Variants in ZMYND8 observed in about 807,000 individuals in gnomAD.
The protein encoded by ZMYND8 is MYND-type zinc finger-containing chromatin reader ZMYND8.
A neutral mutation model predicts 140.8 loss-of-function variants in ZMYND8; 37 were observed. That is an observed-to-expected ratio of 0.26 (90% CI 0.20 to 0.35). The LOEUF is 0.35. ZMYND8 is among the 10% of genes least tolerant of loss of function. The pLI is 1.00. For synonymous variants in ZMYND8, 592 were observed against 597.1 expected, an observed-to-expected ratio of 0.99 and a Z score of 0.12; for missense variants, 1,068 against 1,570.0, an observed-to-expected ratio of 0.68 and a Z score of 5.40.
chr20:47,246,486 C>T lies in ZMYND8; in HGVS notation c.1806G>A (p.Thr602=), dbSNP rs535541680. 2.3e-5 allele frequency: 36 copies of T among 1,594,048 alleles called. No homozygotes were observed. The highest frequency in any genetic ancestry group is 6.8e-5 in the South Asian group (6 of 87,760). ...GINEISEDVY[T]AVEHSDSEDS... ...CCTCCGAATCGCTGTGCTCTACGGC[C>T]GTATAGACATCTTCCGAGATTTCAT... is the stretch of plus-strand genomic sequence containing the variant. Residue 602 remains threonine (T), a synonymous_variant, in exon 14 of 23, where the codon ACG becomes ACA. Coordinates refer to ENST00000471951, the MANE Select transcript of ZMYND8 (RefSeq NM_001281775.3).
At chr20:47,217,298 T>C (rs2036269665) in intron 21 of ZMYND8, among the ~76,000 whole-genome samples, 1 of 152,242 alleles carries the variant, frequency 6.6e-6, no homozygotes, top group African/African-American at 2.4e-5. Flanking sequence ...AACAATTTTA[T>C]AGGTGTCCAC....
Position 47,239,338 on chromosome 20 carries a change from G to A in ZMYND8, c.2285-200C>T, listed in dbSNP as rs937457129. On this transcript the variant is annotated intron_variant, in intron 14 of 22. Transcript: ENST00000471951. ...CACTTCTGCGGCGTCTTCCATCTCC[G>A]CGAGCAGCGGCCTCCTTTACTGAGC... Among the ~76,000 whole-genome samples, 3 of 152,302 alleles carry A rather than the reference G, an allele frequency of 2.0e-5. No individual in the cohort carries two copies. The South Asian group carries it at 6.2e-4, about 32-fold the overall frequency.
intron 2 of ZMYND8, among the ~76,000 whole-genome samples, chr20:47,310,908 C>T (rs1480428820): frequency 2.0e-5 from 3 of 152,070 alleles, no homozygotes; most frequent in Admixed American, 6.6e-5. Context: ...TTCCCCACTA[C>T]GTCCCTGCTG....
chr20:47,239,644 T>C (rs919144294), intron 14 of ZMYND8, among the ~76,000 whole-genome samples: 7 of 152,290 alleles, frequency 4.6e-5, no homozygotes, highest in Admixed American at 2.6e-4. Flanking sequence ...GCAGTAACAC[T>C]CAGTCACCCA....
rs529174762 is a variant in ZMYND8, at chr20:47,351,144, T to TTTTTTCA, written c.15-3219_15-3218insTGAAAAA. Among the ~76,000 whole-genome samples the TTTTTTCA allele has an allele frequency of 3.3e-4, 50 of 152,330 alleles. No homozygotes were observed. The South Asian group carries it at 3.3e-3, about 10-fold the overall frequency. ...GAAAACCTATGCTTACTTCTTAACC[T>TTTTTTCA]GCATGCACTGAAAAAAGAGCAATTA... On this transcript the variant is annotated intron_variant, in intron 1 of 22. Coordinates refer to ENST00000471951, the MANE Select transcript of ZMYND8 (RefSeq NM_001281775.3).
chr20:47,329,828 T>G (rs747108745), intron 2 of ZMYND8, among the ~76,000 whole-genome samples: 2 of 152,108 alleles, frequency 1.3e-5, no homozygotes, highest in Non-Finnish European at 2.9e-5. Context: ...TGCACAATCA[T>G]CCACCCATCC....
At chr20:47,326,516 G>A (rs1212828189) in intron 2 of ZMYND8, among the ~76,000 whole-genome samples, 1 of 152,174 alleles carries the variant, frequency 6.6e-6, no homozygotes. Context: ...TAGGAGACCC[G>A]CCACTGAGAT....
intron 20 of ZMYND8, 100 bp from the exon 21 acceptor site, chr20:47,220,424 C>G: frequency 3.1e-6 from 3 of 974,526 alleles, no homozygotes; most frequent in South Asian, 1.4e-5. Flanking sequence ...TCGCTGCCCC[C>G]AAAGCATCTC....
At chr20:47,211,194 C>T (rs2035198854) in intron 22 of ZMYND8, among the ~76,000 whole-genome samples, 1 of 152,152 alleles carries the variant, frequency 6.6e-6, no homozygotes, top group Admixed American at 6.5e-5. Context: ...TTTCTTGTGC[C>T]GTGTCTGGAA....
chr20:47,312,142 C>T (rs1208370111), intron 2 of ZMYND8, among the ~76,000 whole-genome samples: 3 of 152,140 alleles, frequency 2.0e-5, no homozygotes, highest in Non-Finnish European at 4.4e-5. Flanking sequence ...TGCTCCTGCC[C>T]CAGTTTTACC....
intron 11 of ZMYND8, among the ~76,000 whole-genome samples, chr20:47,272,464 C>G (rs1156690257): frequency 6.6e-6 from 1 of 152,132 alleles, no homozygotes; most frequent in Non-Finnish European, 1.5e-5. Context: ...TCAGGCCCCC[C>G]GACTCTGACC....
At chr20:47,239,519 C>T (rs2039683592) in intron 14 of ZMYND8, among the ~76,000 whole-genome samples, 1 of 152,160 alleles carries the variant, frequency 6.6e-6, no homozygotes, top group Non-Finnish European at 1.5e-5. Context: ...AAAATCTAGT[C>T]GGCACCTTGA....
intron 14 of ZMYND8, among the ~76,000 whole-genome samples, chr20:47,242,466 C>G (rs1402407413): frequency 6.6e-6 from 1 of 152,212 alleles, no homozygotes; most frequent in African/African-American, 2.4e-5. Flanking sequence ...CTGGGCCCTT[C>G]TAAGAGGAGG....
At chr20:47,236,761 A>G (rs1196577046) in intron 15 of ZMYND8, among the ~76,000 whole-genome samples, 1 of 151,942 alleles carries the variant, frequency 6.6e-6, no homozygotes, top group Non-Finnish European at 1.5e-5. Flanking sequence ...GATGACCCCA[A>G]CCCCCTCTTA....
At chr20:47,235,494 C>A (rs747787077) in intron 16 of ZMYND8, among the ~76,000 whole-genome samples, 2 of 152,056 alleles carry the variant, frequency 1.3e-5, no homozygotes, top group Non-Finnish European at 2.9e-5. Context: ...CACCCGAGGT[C>A]AGGAGTTTGA....
chr20:47,310,181 C>T lies in ZMYND8; in HGVS notation c.109G>A (p.Ala37Thr), dbSNP rs1251638424. The T allele has an allele frequency of 1.2e-6, 2 of 1,610,136 alleles. No individual in the cohort carries two copies. Among genetic ancestry groups the T allele is most frequent in the Non-Finnish European group, 1.7e-6 (2 of 1,179,180 alleles). ...SKDPGSAERT[A>T]QKRKFPSPPH... is the part of the protein sequence containing the mutation. ...GGGCTGGGGAACTTTCTTTTCTGGGCTGTTCTCTCTGCAGAGCCAGGATCT... is the reference window on the plus strand; with the variant it reads ...GGGCTGGGGAACTTTCTTTTCTGGGTTGTTCTCTCTGCAGAGCCAGGATCT... The change falls in exon 3 of 23, where the codon GCC becomes ACC. Residue 37 changes from alanine (A) to threonine (T), a missense_variant. Coordinates refer to ENST00000471951, the MANE Select transcript of ZMYND8 (RefSeq NM_001281775.3).
chr20:47,223,017 A>G (rs1247799929), intron 19 of ZMYND8, among the ~76,000 whole-genome samples: 2 of 152,216 alleles, frequency 1.3e-5, no homozygotes, highest in Admixed American at 6.5e-5. Context: ...CCTTCACAGA[A>G]AAAGTTTACC....
chr20:47,303,053 CTT>C (rs2078190517), intron 3 of ZMYND8, among the ~76,000 whole-genome samples: 1 of 152,166 alleles, frequency 6.6e-6, no homozygotes, highest in African/African-American at 2.4e-5. Context: ...CGTCTCCAGA[CTT>C]TGCCCAACGT....
rs528153839 is a variant in ZMYND8 at position 47,346,060 on chromosome 20, G to T, written c.85+1796C>A. ...TGGTCACTCAGCTTGGTCATGCTTG[G>T]ATAGAATCTAATCCAACACCCCACT... On this transcript the variant is annotated intron_variant, in intron 2 of 22. Coordinates refer to ENST00000471951, the MANE Select transcript of ZMYND8 (RefSeq NM_001281775.3). Among the ~76,000 whole-genome samples, 217 of 152,236 alleles carry T rather than the reference G, an allele frequency of 1.4e-3. 1 individual carries two copies. Among genetic ancestry groups the T allele is most frequent in the Middle Eastern group, 0.014 (4 of 294 alleles).
Sources: allele counts gnomAD v4.1 joint callset (sites outside exome capture counted in the v4.1 genomes callset), GRCh38; gene constraint gnomAD v4.1.1; transcripts MANE v1.5; gene names NCBI Gene and HGNC (gene_info 2026-07-23, HGNC 2026-07-21).